The following SENP1 variants were observed in gnomAD, a reference collection of about 807,000 sequenced individuals.
SENP1 encodes the protein sentrin-specific protease 1.
SENP1 carries 21 observed loss-of-function variants against 93.0 expected under a neutral mutation model. The ratio of observed to expected loss-of-function variants is 0.23; its 90% confidence interval spans 0.16 to 0.33. SENP1 has a LOEUF of 0.33. SENP1 is among the 10% of genes least tolerant of loss of function. The pLI is 1.00. For missense variants in SENP1, 591 were observed against 758.7 expected (o/e 0.78, Z 2.60); for synonymous variants, 256 against 259.6 (o/e 0.99, Z 0.13).
At chr12:48,081,915 T>C (rs1944520723) in intron 6 of SENP1, among the ~76,000 whole-genome samples, 1 of 146,864 alleles carries the variant, frequency 6.8e-6, no homozygotes. Flanking sequence ...TTGAGACGGC[T>C]TCTCACTCTG....
intron 6 of SENP1, among the ~76,000 whole-genome samples, chr12:48,083,360 C>G (rs1944620131): frequency 6.6e-6 from 1 of 152,144 alleles, no homozygotes; most frequent in Non-Finnish European, 1.5e-5. Flanking sequence ...GTCAGCTGTC[C>G]AGCAGGCATA....
intron 6 of SENP1, among the ~76,000 whole-genome samples, chr12:48,077,008 C>T (rs1944137327): frequency 6.6e-6 from 1 of 152,182 alleles, no homozygotes; most frequent in Admixed American, 6.5e-5. Context: ...CCAGTGTCCA[C>T]TATTCCCATC....
intron 6 of SENP1, among the ~76,000 whole-genome samples, chr12:48,080,846 C>T (rs1214894129): frequency 1.3e-5 from 2 of 152,262 alleles, no homozygotes. Context: ...GGCAAAATTT[C>T]CCGCATCGCT....
At chr12:48,078,560 G>A (rs74910025) in intron 6 of SENP1, among the ~76,000 whole-genome samples, 33,843 of 149,660 alleles carry the variant, frequency 0.23, 4,450 homozygotes, top group East Asian at 0.55. Context: ...TTGCTCTGTC[G>A]CCCAGACTGG....
chr12:48,058,090 C>G (rs1046682148), intron 13 of SENP1, among the ~76,000 whole-genome samples: 6 of 151,370 alleles, frequency 4.0e-5, no homozygotes, highest in Non-Finnish European at 7.4e-5. Context: ...AGATTACAGG[C>G]ATGCACCACC....
intron 15 of SENP1, among the ~76,000 whole-genome samples, chr12:48,047,396 CAATCT>C (rs1941450215): frequency 6.6e-6 from 1 of 152,146 alleles, no homozygotes; most frequent in South Asian, 2.1e-4. Flanking sequence ...CTTTAGAACT[CAATCT>C]AATGGAAGAA....
At chr12:48,049,694 G>A (rs1941647920) in intron 13 of SENP1, among the ~76,000 whole-genome samples, 1 of 152,190 alleles carries the variant, frequency 6.6e-6, no homozygotes, top group South Asian at 2.1e-4. Context: ...TCCTGCAGAG[G>A]CAAACTCTTT....
At chr12:48,101,343 A>C (rs1945923121) in intron 2 of SENP1, 126 bp downstream of exon 2, 1 of 752,054 alleles carries the variant, frequency 1.3e-6, no homozygotes, top group East Asian at 2.9e-5. Flanking sequence ...TTAGGATTAA[A>C]ATTTCTCTTA....
intron 13 of SENP1, among the ~76,000 whole-genome samples, chr12:48,060,767 C>G (rs1417536420): frequency 5.9e-5 from 9 of 152,206 alleles, no homozygotes. Flanking sequence ...CTCTCTTTAA[C>G]TCTATCCTCC....
Position 48,106,070 on chromosome 12 carries a change from C to G in SENP1, c.-87G>C. On this transcript the variant is annotated 5_prime_UTR_variant, in exon 1 of 18. Transcript: ENST00000549518. Reference sequence around the variant, plus strand: ...CCATGCGAAGGGGTTTCCGGCCGGGCGCGGAACGCAAAACCCGGGAACCGC... The same window carrying G: ...CCATGCGAAGGGGTTTCCGGCCGGGGGCGGAACGCAAAACCCGGGAACCGC... 1 of 702,508 alleles carries G rather than the reference C, an allele frequency of 1.4e-6. No individual in the cohort carries two copies. 43.5% of individuals were successfully genotyped at this position (702,508 alleles called of 1,614,324 possible).
Position 48,065,204 on chromosome 12 carries a change from T to C in SENP1, c.1136A>G (p.Glu379Gly). ...QLQNQRLQER[E>G]HSVHDSVELH... ...TTCTACTGAATCATGTACTGAATGT[T>C]CCCGCTCCTGCAATCTCTGAAAGAT... The change falls in exon 12 of 18, where the codon GAA becomes GGA. Residue 379 changes from glutamate (E) to glycine (G), a missense_variant. Transcript: ENST00000549518. 3 of 1,601,868 alleles carry C rather than the reference T, an allele frequency of 1.9e-6. No homozygotes were observed. The highest frequency in any genetic ancestry group is 2.6e-6 in the Non-Finnish European group (3 of 1,173,160).
At chr12:48,101,359 A>G (rs2137332518) in intron 2 of SENP1, 110 bp downstream of exon 2, 1 of 823,052 alleles carries the variant, frequency 1.2e-6, no homozygotes, top group South Asian at 1.6e-5. Context: ...TCTTAAAATT[A>G]TTATTAAGCA....
intron 4 of SENP1, among the ~76,000 whole-genome samples, chr12:48,094,134 G>T (rs1945399916): frequency 6.6e-6 from 1 of 152,116 alleles, no homozygotes; most frequent in African/African-American, 2.4e-5. Context: ...CAGCACCTTG[G>T]GAGGCCTAGG....
intron 13 of SENP1, among the ~76,000 whole-genome samples, chr12:48,060,216 T>G (rs1942867657): frequency 6.6e-6 from 1 of 152,192 alleles, no homozygotes; most frequent in African/African-American, 2.4e-5. Context: ...AATTTTCTAG[T>G]TAAGTTGAAA....
At chr12:48,103,995 G>A (rs953528741) in intron 1 of SENP1, among the ~76,000 whole-genome samples, 1 of 152,130 alleles carries the variant, frequency 6.6e-6, no homozygotes, top group East Asian at 1.9e-4. Flanking sequence ...GGCAGATCAC[G>A]AGGTCAGCAG....
intron 13 of SENP1, among the ~76,000 whole-genome samples, chr12:48,054,037 T>C (rs941003389): frequency 1.3e-5 from 2 of 152,110 alleles, no homozygotes; most frequent in South Asian, 2.1e-4. Context: ...GGGAAAATAA[T>C]AGAGAGACAG....
rs185762371 is a variant in SENP1, at chr12:48,079,314, A to G, written c.552+4277T>C. Among the ~76,000 whole-genome samples, 232 of 152,200 alleles carry G rather than the reference A, an allele frequency of 1.5e-3. 3 individuals carry two copies. The highest frequency in any genetic ancestry group is 5.3e-3 in the African/African-American group (219 of 41,536). On this transcript the variant is annotated intron_variant, in intron 6 of 17. Coordinates refer to ENST00000549518, the MANE Select transcript of SENP1 (RefSeq NM_001267594.2). ...GTAGATCGAGACCATCCTGGCTAAC[A>G]TGGTGAAACTCCGTCTCTACTGAAA...
At chr12:48,101,665 G>A (rs188000221) in intron 1 of SENP1, 149 bp from the exon 2 acceptor site, 15 of 552,192 alleles carry the variant, frequency 2.7e-5, no homozygotes, top group South Asian at 2.6e-4. Context: ...GATGGGAAAA[G>A]AGTAAAAACT....
chr12:48,063,643 G>A (rs957486287), intron 13 of SENP1, 67 bp downstream of exon 13: 49 of 1,513,988 alleles, frequency 3.2e-5, no homozygotes, highest in Admixed American at 7.1e-5. Flanking sequence ...GAAAAAGTGA[G>A]ATAATGCCTT....
Sources: gnomAD v4.1 joint callset for allele counts (sites outside exome capture counted in the v4.1 genomes callset) on GRCh38, gnomAD v4.1.1 for gene constraint, MANE v1.5 for transcripts, NCBI Gene and HGNC (gene_info 2026-07-23, HGNC 2026-07-21) for gene names.